The following TSPAN13 variants were observed in gnomAD, a reference collection of about 807,000 sequenced individuals.
TSPAN13 encodes tetraspanin 13.
Under a neutral mutation model 26.9 loss-of-function variants are expected in TSPAN13, and 18 were observed. That is an observed-to-expected ratio of 0.67 (90% CI 0.46 to 0.99). The LOEUF (loss-of-function observed/expected upper bound fraction) is 0.99. Ranked by LOEUF, TSPAN13 falls within the 50% of genes least tolerant of loss-of-function variation. TSPAN13 has a pLI of 0.00. For missense variants in TSPAN13, 201 were observed against 249.6 expected, an observed-to-expected ratio of 0.81 and a Z score of 1.31; for synonymous variants, 116 against 98.4, an observed-to-expected ratio of 1.18 and a Z score of -1.06.
intron 1 of TSPAN13, among the ~76,000 whole-genome samples, chr7:16,764,229 A>G (rs1338940299): frequency 6.6e-6 from 1 of 150,954 alleles, no homozygotes; most frequent in Non-Finnish European, 1.5e-5. Flanking sequence ...GGGTTTCACC[A>G]TGCTGGCCAG....
At chr7:16,754,383 T>G (rs901782093) in intron 1 of TSPAN13, among the ~76,000 whole-genome samples, 6 of 152,134 alleles carry the variant, frequency 3.9e-5, no homozygotes, top group African/African-American at 7.2e-5. Context: ...GCTCCTGACA[T>G]CCAGACGCAT....
At chr7:16,775,479 GA>G (rs989162056) in intron 1 of TSPAN13, among the ~76,000 whole-genome samples, 3 of 152,170 alleles carry the variant, frequency 2.0e-5, no homozygotes, top group African/African-American at 7.2e-5. Context: ...AAGTTTTAAT[GA>G]TCTCTCTATA....
intron 5 of TSPAN13, among the ~76,000 whole-genome samples, chr7:16,780,671 G>C (rs1784804488): frequency 6.6e-6 from 1 of 152,166 alleles, no homozygotes; most frequent in Non-Finnish European, 1.5e-5. Flanking sequence ...GCAGTTATCA[G>C]AATTTTGCCA....
intron 5 of TSPAN13, among the ~76,000 whole-genome samples, chr7:16,782,328 G>C (rs950177933): frequency 6.6e-6 from 1 of 151,752 alleles, no homozygotes. Context: ...GTGGTCAGTG[G>C]AGAGAATCTG....
At chr7:16,773,984 A>G (rs989922630) in intron 1 of TSPAN13, among the ~76,000 whole-genome samples, 5 of 152,226 alleles carry the variant, frequency 3.3e-5, no homozygotes, top group African/African-American at 1.2e-4. Flanking sequence ...TTGGTCAAGC[A>G]CTAGTCTAGA....
intron 5 of TSPAN13, among the ~76,000 whole-genome samples, chr7:16,779,771 A>G (rs989474437): frequency 1.4e-4 from 20 of 144,288 alleles, no homozygotes; most frequent in African/African-American, 4.5e-4. Flanking sequence ...ACCAAGATTA[A>G]TATTCTTTTT....
intron 1 of TSPAN13, among the ~76,000 whole-genome samples, chr7:16,762,381 C>G (rs905573921): frequency 6.6e-6 from 1 of 152,160 alleles, no homozygotes; most frequent in Non-Finnish European, 1.5e-5. Flanking sequence ...TTGTCTGGTG[C>G]TTAAAGTGTA....
Position 16,777,823 on chromosome 7 carries a change from A to G in TSPAN13, c.338A>G (p.Asn113Ser). 6.2e-7 allele frequency: 1 copy of G among 1,613,946 alleles called. No homozygotes were observed. Among genetic ancestry groups the G allele is most frequent in the East Asian group, 2.2e-5 (1 of 44,866 alleles). Residue 113 changes from asparagine to serine, a missense_variant, in exon 4 of 6, where the codon AAC (asparagine) becomes AGC (serine). By Grantham distance (46) the Asn-to-Ser change is conservative (BLOSUM62 1). Coordinates refer to ENST00000262067, the MANE Select transcript of TSPAN13 (RefSeq NM_014399.4). ...QQGQLLEVGW[N>S]NTASARNDIQ... ...GGTCAGCTTCTGGAGGTTGGTTGGA[A>G]CAATACGGCAAGTGCTCGAAATGAC...
chr7:16,781,146 A>G (rs1333519354), intron 5 of TSPAN13, among the ~76,000 whole-genome samples: 2 of 152,224 alleles, frequency 1.3e-5, no homozygotes, highest in Non-Finnish European at 2.9e-5. Context: ...AAAAGCTATG[A>G]TTAATATATG....
chr7:16,773,250 C>T (rs565621846), intron 1 of TSPAN13, among the ~76,000 whole-genome samples: 2 of 150,806 alleles, frequency 1.3e-5, no homozygotes, highest in East Asian at 3.9e-4. Context: ...AGCAGGGGTC[C>T]GAAAACTACA....
intron 4 of TSPAN13, among the ~76,000 whole-genome samples, 172 bp from the exon 5 acceptor site, chr7:16,778,831 G>A (rs1451229124): frequency 1.3e-5 from 2 of 152,186 alleles, no homozygotes; most frequent in African/African-American, 4.8e-5. Context: ...GTACACCATT[G>A]AGAGGGGAGG....
chr7:16,784,293 C>G lies in TSPAN13; in HGVS notation c.*802C>G, dbSNP rs1289618445. On this transcript the variant is annotated 3_prime_UTR_variant, in exon 6 of 6. Coordinates refer to ENST00000262067, the MANE Select transcript of TSPAN13 (RefSeq NM_014399.4). ...AAACAAGTTAGTATTAATGCGTTGG[C>G]CCACGTAGCAAAAAGATATTTGATT... The G allele has an allele frequency of 6.6e-6, 1 of 152,064 alleles. No individual in the cohort carries two copies. Among genetic ancestry groups the G allele is most frequent in the Non-Finnish European group, 1.5e-5 (1 of 67,996 alleles). The allele number at this position is 152,064 out of a possible 1,614,324, so 9.4% of individuals were successfully genotyped here.
chr7:16,775,936 A>G (rs1784737803), intron 1 of TSPAN13: 2 of 324,494 alleles, frequency 6.2e-6, no homozygotes, highest in East Asian at 5.5e-5. Context: ...CTCTTAGTAA[A>G]CAGATGACTT....
intron 5 of TSPAN13, among the ~76,000 whole-genome samples, chr7:16,779,386 A>G (rs912872913): frequency 6.6e-5 from 10 of 152,270 alleles, no homozygotes; most frequent in African/African-American, 2.2e-4. Context: ...GGTCTCTTCT[A>G]TTTCTACAGT....
chr7:16,755,336 A>G (rs1323008533), intron 1 of TSPAN13, among the ~76,000 whole-genome samples: 1 of 152,204 alleles, frequency 6.6e-6, no homozygotes, highest in Non-Finnish European at 1.5e-5. Context: ...AGAAACAGGC[A>G]TTGAGTACGC....
chr7:16,770,477 T>C (rs769194028), intron 1 of TSPAN13, among the ~76,000 whole-genome samples: 2 of 152,236 alleles, frequency 1.3e-5, no homozygotes, highest in Non-Finnish European at 2.9e-5. Context: ...CCCAAAGTGT[T>C]GGGATTACAG....
In TSPAN13 at chr7:16,783,628, T is replaced by A; in HGVS notation, c.*137T>A. ...CTTATTGATAGTGGAATTATATATT[T>A]TTACTCTATGTTTCTCTACATGTTT... is the stretch of plus-strand genomic sequence containing the variant. On this transcript the variant is annotated 3_prime_UTR_variant, in exon 6 of 6. Transcript: ENST00000262067. 1 of 786,362 alleles carries A rather than the reference T, an allele frequency of 1.3e-6. No individual in the cohort carries two copies. The highest frequency in any genetic ancestry group is 2.1e-6 in the Non-Finnish European group (1 of 480,066). The allele number at this position is 786,362 out of a possible 1,614,324, so 48.7% of individuals were successfully genotyped here.
intron 5 of TSPAN13, among the ~76,000 whole-genome samples, chr7:16,782,004 T>G (rs138837510): frequency 6.6e-6 from 1 of 152,286 alleles, no homozygotes; most frequent in Non-Finnish European, 1.5e-5. Context: ...AGGACCTGTG[T>G]GATTATTTTG....
intron 1 of TSPAN13, among the ~76,000 whole-genome samples, chr7:16,759,420 C>T (rs568066649): frequency 1.3e-4 from 20 of 152,160 alleles, no homozygotes; most frequent in African/African-American, 4.8e-4. Context: ...CCAGATCTCA[C>T]GTGAACTCAG....
Sources: allele counts gnomAD v4.1 joint callset (sites outside exome capture counted in the v4.1 genomes callset), GRCh38; gene constraint gnomAD v4.1.1; transcripts MANE v1.5; gene names NCBI Gene and HGNC (gene_info 2026-07-23, HGNC 2026-07-21).